Variants in FGF12 observed in about 807,000 individuals in gnomAD.
The protein encoded by FGF12 is fibroblast growth factor 12, also known as fibroblast growth factor 12B.
A neutral mutation model predicts 23.6 loss-of-function variants in FGF12; 14 were observed. The observed-to-expected ratio is 0.59, with a 90% CI of 0.39 to 0.93. FGF12 has a LOEUF of 0.93. Among genes scored for constraint, FGF12 ranks in the 40% least tolerant of loss-of-function variants. The probability of loss-of-function intolerance (pLI) is 0.00; values close to 1 mark genes in which losing one functional copy is unlikely to be tolerated. For synonymous variants in FGF12, 62 were observed against 77.3 expected (o/e 0.80, Z 1.04); for missense variants, 175 against 217.8 (o/e 0.80, Z 1.24).
At chr3:192,439,780 G>T (rs113311437) in intron 2 of FGF12, among the ~76,000 whole-genome samples, 2,536 of 152,108 alleles carry the variant, frequency 0.017, 44 homozygotes, top group African/African-American at 0.041. Flanking sequence ...TTCAAGACCA[G>T]CCTGGCAAAG....
chr3:192,592,051 A>AG (rs1713648748), intron 2 of FGF12, among the ~76,000 whole-genome samples: 1 of 151,784 alleles, frequency 6.6e-6, no homozygotes, highest in Non-Finnish European at 1.5e-5. Flanking sequence ...TAGGTTAGGC[A>AG]GGGGGAAAAA....
At chr3:192,305,679 A>AAATATATATATATATATATATAT (rs1423738741) in intron 4 of FGF12, among the ~76,000 whole-genome samples, 3 of 131,934 alleles carry the variant, frequency 2.3e-5, no homozygotes, top group Non-Finnish European at 4.7e-5. Flanking sequence ...AAAAAAAAAA[A>AAATATATATATATATATATATAT]ATATATATAT....
At chr3:192,366,551 G>A (rs1718993368) in intron 2 of FGF12, among the ~76,000 whole-genome samples, 4 of 152,050 alleles carry the variant, frequency 2.6e-5, no homozygotes, top group Admixed American at 2.0e-4. Context: ...AACTGTATGA[G>A]GTACTCTTTT....
At chr3:192,416,610 G>A (rs532407206) in intron 2 of FGF12, among the ~76,000 whole-genome samples, 2 of 152,210 alleles carry the variant, frequency 1.3e-5, no homozygotes, top group African/African-American at 4.8e-5. Context: ...TAGGCTAAGC[G>A]AAATTGCTCC....
rs73060429 is a variant in FGF12, at chr3:192,163,779, C to A, written c.427+6679G>T. 2.5e-3 allele frequency among the ~76,000 whole-genome samples: 381 copies of A among 151,254 alleles called. 3 individuals are homozygous for A. Among genetic ancestry groups the A allele is most frequent in the African/African-American group, 8.7e-3 (358 of 41,264 alleles). Reference sequence around the variant, plus strand: ...ATCAGATTCTATGAGCTTAAAGCACCAATTCTAACAAAGAAAATGGAAACC... The same window carrying A: ...ATCAGATTCTATGAGCTTAAAGCACAAATTCTAACAAAGAAAATGGAAACC... On this transcript the variant is annotated intron_variant, in intron 5 of 5. Coordinates refer to ENST00000445105, the MANE Select transcript of FGF12 (RefSeq NM_004113.6).
intron 2 of FGF12, chr3:192,516,383 T>C (rs62294934): frequency 0.057 from 8,725 of 152,250 alleles, 371 homozygotes; most frequent in Non-Finnish European, 0.085. Flanking sequence ...CTTTGTTCCA[T>C]CCATTGTCTC....
intron 2 of FGF12, among the ~76,000 whole-genome samples, chr3:192,649,418 A>G (rs910743807): frequency 1.3e-5 from 2 of 152,170 alleles, no homozygotes; most frequent in African/African-American, 4.8e-5. Flanking sequence ...TTAACTAATG[A>G]CCGTTTTAAT....
chr3:192,182,052 T>A (rs1716209753), intron 4 of FGF12, among the ~76,000 whole-genome samples: 1 of 151,866 alleles, frequency 6.6e-6, no homozygotes, highest in African/African-American at 2.4e-5. Context: ...ATTTAAGAAC[T>A]GAAAGGAACC....
chr3:192,161,987 A>G, intron 5 of FGF12, among the ~76,000 whole-genome samples: 1 of 152,150 alleles, frequency 6.6e-6, no homozygotes, highest in East Asian at 1.9e-4. Context: ...TTTTTAATAA[A>G]ACTAAAACAT....
intron 2 of FGF12, among the ~76,000 whole-genome samples, chr3:192,454,270 C>T (rs1340121916): frequency 6.6e-6 from 1 of 152,092 alleles, no homozygotes; most frequent in East Asian, 1.9e-4. Context: ...AATCTCCTGA[C>T]CTCGTGATCC....
At chr3:192,506,340 G>T (rs1724294239) in intron 2 of FGF12, among the ~76,000 whole-genome samples, 2 of 152,264 alleles carry the variant, frequency 1.3e-5, no homozygotes, top group South Asian at 4.2e-4. Context: ...TTAGAACATA[G>T]TTTATTCTTT....
Position 192,408,812 on chromosome 3 carries a change from G to A in FGF12, c.14-48274C>T. On this transcript the variant is annotated intron_variant, in intron 2 of 5. Transcript: ENST00000445105. This position sits in a 1 kb window ranked among gnomAD's most constrained non-coding sequence, Gnocchi z 7.3. ...CCACCAACCGCACGAGAGAAGGAGA[G>A]GAAGGCAGCAATTTAACTCCCTGCG... The A allele has an allele frequency of 1.0e-6, 1 of 985,790 alleles. No individual in the cohort carries two copies. The highest frequency in any genetic ancestry group is 1.2e-6 in the Non-Finnish European group (1 of 830,232). The allele number at this position is 985,790 out of a possible 1,614,324, so 61.1% of individuals were successfully genotyped here.
At chr3:192,398,978 T>TA (rs1405381955) in intron 2 of FGF12, among the ~76,000 whole-genome samples, 1 of 152,166 alleles carries the variant, frequency 6.6e-6, no homozygotes, top group African/African-American at 2.4e-5. Flanking sequence ...GGCAGTATAC[T>TA]AAGTTCTGAG....
rs796961649 is a variant in FGF12, at chr3:192,190,473, T to G, written c.229-19817A>C. On this transcript the variant is annotated intron_variant, in intron 4 of 5. Coordinates refer to ENST00000445105, the MANE Select transcript of FGF12 (RefSeq NM_004113.6). ...CAATCTGTAAGCCCAATACTCTTTTTTTTTTTTTTTTTTTTTTTTTGAGAC... is the reference window on the plus strand; with the variant it reads ...CAATCTGTAAGCCCAATACTCTTTTGTTTTTTTTTTTTTTTTTTTTGAGAC... 2.3e-5 allele frequency among the ~76,000 whole-genome samples: 3 copies of G among 130,778 alleles called. No individual in the cohort carries two copies. In the South Asian group the frequency reaches 8.3e-4, roughly 36 times the overall value. 85.8% of individuals were successfully genotyped at this position (130,778 alleles called of 152,430 possible).
At chr3:192,174,588 T>C (rs1045726696) in intron 4 of FGF12, among the ~76,000 whole-genome samples, 1 of 152,210 alleles carries the variant, frequency 6.6e-6, no homozygotes, top group African/African-American at 2.4e-5. Flanking sequence ...TTAATGGCAC[T>C]GAACCAGCTT....
At chr3:192,323,162 T>G (rs1716637718) in intron 4 of FGF12, among the ~76,000 whole-genome samples, 1 of 151,896 alleles carries the variant, frequency 6.6e-6, no homozygotes, top group Non-Finnish European at 1.5e-5. Context: ...AGTATGGAGG[T>G]TCCTCAAGAA....
intron 4 of FGF12, among the ~76,000 whole-genome samples, chr3:192,251,317 C>T (rs1352215315): frequency 3.9e-5 from 6 of 152,148 alleles, no homozygotes; most frequent in Non-Finnish European, 8.8e-5. Flanking sequence ...AAGTTGTGCT[C>T]TTTTGCTTTA....
At chr3:192,200,020 A>G (rs1717279290) in intron 4 of FGF12, among the ~76,000 whole-genome samples, 1 of 152,084 alleles carries the variant, frequency 6.6e-6, no homozygotes, top group African/African-American at 2.4e-5. Context: ...AGGTAAATCA[A>G]AACAGCAATA....
intron 2 of FGF12, among the ~76,000 whole-genome samples, chr3:192,501,972 C>T (rs982493958): frequency 6.6e-6 from 1 of 152,170 alleles, no homozygotes; most frequent in Non-Finnish European, 1.5e-5. Context: ...CTTTCCCAAA[C>T]CTAAAACATT....
Sources: gnomAD v4.1 joint callset for allele counts (sites outside exome capture counted in the v4.1 genomes callset) on GRCh38, gnomAD v4.1.1 for gene constraint, Gnocchi (gnomAD v3.1) non-coding constraint, MANE v1.5 for transcripts, NCBI Gene and HGNC (gene_info 2026-07-23, HGNC 2026-07-21) for gene names.